The following CRACD variants were observed in gnomAD, a reference collection of about 807,000 sequenced individuals.
CRACD encodes capping protein inhibiting regulator of actin dynamics, also known as capping protein-inhibiting regulator of actin dynamics.
Under a neutral mutation model 106.8 loss-of-function variants are expected in CRACD, and 56 were observed. That is an observed-to-expected ratio of 0.52 (90% CI 0.42 to 0.66). CRACD has a LOEUF of 0.66. CRACD is among the 30% of genes least tolerant of loss of function. The probability of loss-of-function intolerance (pLI) is 0.00; values close to 1 mark genes in which losing one functional copy is unlikely to be tolerated. For missense variants in CRACD, 1,730 were observed against 1,623.2 expected (o/e 1.07, Z -1.13); for synonymous variants, 754 against 670.8 (o/e 1.12, Z -1.92).
intron 1 of CRACD, among the ~76,000 whole-genome samples, chr4:56,177,781 T>C (rs566724733): frequency 6.6e-6 from 1 of 152,316 alleles, no homozygotes; most frequent in African/African-American, 2.4e-5. Flanking sequence ...ATCTAGGTTT[T>C]CTAATTTATT....
chr4:56,163,174 T>C (rs1736016334), intron 1 of CRACD, among the ~76,000 whole-genome samples: 1 of 152,084 alleles, frequency 6.6e-6, no homozygotes. Context: ...ATGAGGAAAA[T>C]GAGTCTCTGC....
rs551767072 is a variant in CRACD at position 56,156,117 on chromosome 4, C to T, written c.-335-23167C>T. Among the ~76,000 whole-genome samples, 5 of 152,282 alleles carry T rather than the reference C, an allele frequency of 3.3e-5. No homozygotes were observed. In the East Asian group the frequency reaches 7.7e-4, roughly 24 times the overall value. ...AGCTGGGAGTACATGCAGGCTACCA[C>T]GCCCAGCTAATTTTTGTGTTTTTAG... On this transcript the variant is annotated intron_variant, in intron 1 of 10. Transcript: ENST00000682029.
In CRACD at chr4:56,298,137, A is replaced by G. The variant is rs572980815; in HGVS notation, c.-16-77A>G. ...CTGGGAATGTGGGTGGAGTCCCTCC[A>G]ATCAGGAATAATGGAAAACTGAATT... On this transcript the variant is annotated intron_variant, in intron 3 of 10. Transcript: ENST00000682029. 2.0e-4 allele frequency: 304 copies of G among 1,484,328 alleles called. 3 individuals carry two copies. Among genetic ancestry groups the G allele is most frequent in the South Asian group, 1.3e-3 (104 of 78,604 alleles). 91.9% of individuals were successfully genotyped at this position (1,484,328 alleles called of 1,614,324 possible). A position where few individuals can be genotyped will look rare whatever the true frequency, so the allele number is the denominator to read the frequency against.
intron 2 of CRACD, among the ~76,000 whole-genome samples, chr4:56,202,052 C>T (rs542407422): frequency 3.3e-5 from 5 of 152,312 alleles, no homozygotes; most frequent in East Asian, 1.9e-4. Context: ...TACTGCTTAG[C>T]GCACATGTGC....
chr4:56,101,562 A>T (rs1733775830), intron 1 of CRACD, among the ~76,000 whole-genome samples: 1 of 152,138 alleles, frequency 6.6e-6, no homozygotes, highest in Non-Finnish European at 1.5e-5. Flanking sequence ...CAGGAGTTTG[A>T]CACCAGCCTG....
At chr4:56,176,209 G>A (rs1038806222) in intron 1 of CRACD, among the ~76,000 whole-genome samples, 1 of 152,132 alleles carries the variant, frequency 6.6e-6, no homozygotes, top group African/African-American at 2.4e-5. Flanking sequence ...AAATAAGGTA[G>A]TGTGATGACT....
chr4:56,061,925 T>C (rs2109786866), intron 1 of CRACD, among the ~76,000 whole-genome samples: 1 of 152,382 alleles, frequency 6.6e-6, no homozygotes, highest in South Asian at 2.1e-4. Context: ...CTTACAGTTT[T>C]GATTAGTTCC....
At chr4:56,052,544 A>G (rs1350435083) in intron 1 of CRACD, among the ~76,000 whole-genome samples, 2 of 152,314 alleles carry the variant, frequency 1.3e-5, no homozygotes, top group East Asian at 3.9e-4. Context: ...TAAGTTCTTA[A>G]ACATTTCTTG....
rs77830047 is a variant in CRACD, at chr4:56,267,767, C to G, written c.-188-4554C>G. ...CACTGTCTGACACTTGGACTTTGTT[C>G]CATTTTCCAGGGTGATGCGTGTGTA... On this transcript the variant is annotated intron_variant, in intron 2 of 10. Coordinates refer to ENST00000682029, the MANE Select transcript of CRACD (RefSeq NM_001393381.1). 1.0e-3 allele frequency among the ~76,000 whole-genome samples: 155 copies of G among 152,280 alleles called. No individual in the cohort carries two copies. In the East Asian group the frequency reaches 0.024, roughly 23 times the overall value.
At chr4:56,149,436 G>A (rs1735509443) in intron 1 of CRACD, among the ~76,000 whole-genome samples, 2 of 152,136 alleles carry the variant, frequency 1.3e-5, no homozygotes, top group Admixed American at 6.6e-5. Flanking sequence ...AATAGAAATG[G>A]AAAGAAAAGA....
chr4:56,314,338 C>T lies in CRACD; in HGVS notation c.836C>T (p.Pro279Leu). 1 of 1,549,336 alleles carries T rather than the reference C, an allele frequency of 6.5e-7. No individual in the cohort carries two copies. The highest frequency in any genetic ancestry group is 2.4e-5 in the East Asian group (1 of 40,828). The change falls in exon 8 of 11, where the codon CCG becomes CTG. Residue 279 changes from proline (P) to leucine (L), a missense_variant. This residue lies in a region of CRACD where 1,620 missense variants were observed against 1,481.6 expected (regional missense o/e 1.09). Coordinates refer to ENST00000682029, the MANE Select transcript of CRACD (RefSeq NM_001393381.1). The surrounding 1 kb of genome is among the most constrained non-coding windows in gnomAD (Gnocchi z 4.4). The part of the protein sequence containing the change: ...LLEEEGEGQE[P>L]PLEAERAPRE... ...GAGGAGGAGGGCGAGGGGCAGGAGC[C>T]GCCTCTAGAGGCGGAAAGGGCGCCG... is the stretch of plus-strand genomic sequence containing the variant.
rs1745531579 is a variant in CRACD, at chr4:56,315,334, G to A, written c.1832G>A (p.Ser611Asn). 3 of 1,613,784 alleles carry A rather than the reference G, an allele frequency of 1.9e-6. No individual in the cohort carries two copies. The highest frequency in any genetic ancestry group is 2.2e-5 in the South Asian group (2 of 91,066). The change falls in exon 8 of 11, where the codon AGC (serine) becomes AAC (asparagine). Residue 611 changes from serine to asparagine, a missense_variant. Transcript: ENST00000682029. This position sits in a 1 kb window ranked among gnomAD's most constrained non-coding sequence, Gnocchi z 4.1. ...AQLCGPAVNL[S>N]QIKDTACKSL... ...CTCTGTGGCCCGGCAGTCAACCTGA[G>A]CCAGATCAAGGACACCGCGTGCAAG...
At chr4:56,127,982 G>T (rs1362654611) in intron 1 of CRACD, among the ~76,000 whole-genome samples, 2 of 152,124 alleles carry the variant, frequency 1.3e-5, no homozygotes, top group Non-Finnish European at 2.9e-5. Flanking sequence ...GGGTGGAAGG[G>T]GAAAATATGA....
In CRACD at chr4:56,179,405, A is replaced by G. The variant is rs939245232; in HGVS notation, c.-214A>G. ...TTTTGGTGGAGAATTATCCAACAAG[A>G]AAAAGACCTGTGGCTATTAAGATAG... is the stretch of plus-strand genomic sequence containing the variant. On this transcript the variant is annotated 5_prime_UTR_variant, in exon 2 of 11. Coordinates refer to ENST00000682029, the MANE Select transcript of CRACD (RefSeq NM_001393381.1). The G allele has an allele frequency of 1.3e-5, 2 of 152,190 alleles. No homozygotes were observed. The highest frequency in any genetic ancestry group is 1.3e-4 in the Admixed American group (2 of 15,274). 9.4% of individuals were successfully genotyped at this position (152,190 alleles called of 1,614,324 possible). A position where few individuals can be genotyped will look rare whatever the true frequency, so the allele number is the denominator to read the frequency against.
intron 1 of CRACD, among the ~76,000 whole-genome samples, chr4:56,087,535 T>C (rs1392167007): frequency 6.6e-6 from 1 of 152,216 alleles, no homozygotes; most frequent in East Asian, 1.9e-4. Flanking sequence ...TACCTGATTC[T>C]TTCTGAAACC....
intron 3 of CRACD, among the ~76,000 whole-genome samples, chr4:56,279,700 T>C (rs912771828): frequency 1.3e-5 from 2 of 152,210 alleles, no homozygotes; most frequent in East Asian, 1.9e-4. Context: ...TTGGTGGGAC[T>C]GTAAACTAGT....
chr4:56,072,432 C>A (rs1272415002), intron 1 of CRACD, among the ~76,000 whole-genome samples: 3 of 152,068 alleles, frequency 2.0e-5, no homozygotes, highest in Non-Finnish European at 4.4e-5. Context: ...TGCTTTAATT[C>A]CATCATGTAT....
intron 3 of CRACD, among the ~76,000 whole-genome samples, chr4:56,290,774 T>C (rs573815859): frequency 1.0e-3 from 159 of 152,316 alleles, no homozygotes; most frequent in Middle Eastern, 3.4e-3. Flanking sequence ...GACTGCCTTC[T>C]AAAGCCCCAG....
intron 1 of CRACD, among the ~76,000 whole-genome samples, chr4:56,162,573 C>A (rs1385459350): frequency 1.3e-5 from 2 of 152,148 alleles, no homozygotes; most frequent in African/African-American, 4.8e-5. Context: ...TCATAATATC[C>A]TTTGAAACAA....
Sources: gnomAD v4.1 joint callset for allele counts (sites outside exome capture counted in the v4.1 genomes callset) on GRCh38, gnomAD v4.1.1 for gene constraint, gnomAD v4.1.1 regional missense constraint, Gnocchi (gnomAD v3.1) non-coding constraint, MANE v1.5 for transcripts, NCBI Gene and HGNC (gene_info 2026-07-23, HGNC 2026-07-21) for gene names.